TENM3: variants seen among roughly 807,000 people sequenced by gnomAD.
TENM3 encodes the protein teneurin-3.
A neutral mutation model predicts 255.1 loss-of-function variants in TENM3; 63 were observed. The observed-to-expected ratio is 0.25, with a 90% CI of 0.20 to 0.30. TENM3 has a LOEUF of 0.30. Ranked by LOEUF, TENM3 falls within the 10% of genes least tolerant of loss-of-function variation. The pLI is 1.00. For missense variants in TENM3, 2,929 were observed against 3,461.1 expected (o/e 0.85, Z 3.86); for synonymous variants, 1,306 against 1,322.3 (o/e 0.99, Z 0.27).
At chr4:182,029,802 A>AT in the TENM3 span, among the ~76,000 whole-genome samples, 1 of 152,122 alleles carries the variant, frequency 6.6e-6, no homozygotes, top group Non-Finnish European at 1.5e-5. Context: ...AATATGTTTA[A>AT]TTTTTTTAAA....
At chr4:181,765,070 G>A in the TENM3 span, among the ~76,000 whole-genome samples, 7 of 152,042 alleles carry the variant, frequency 4.6e-5, no homozygotes, top group African/African-American at 1.2e-4. Context: ...TACTTAGGAC[G>A]TTTCATTTTA....
At chr4:182,480,189 T>A (rs1243460031) in intron 3 of TENM3, among the ~76,000 whole-genome samples, 4 of 152,034 alleles carry the variant, frequency 2.6e-5, no homozygotes, top group Non-Finnish European at 4.4e-5. Context: ...TGTGGAAGAT[T>A]CACTTATTTT....
the TENM3 span, among the ~76,000 whole-genome samples, chr4:181,989,375 T>G: frequency 6.6e-6 from 1 of 152,110 alleles, no homozygotes; most frequent in South Asian, 2.1e-4. Context: ...CAAAAAGGCA[T>G]GTCTTTTCAC....
Position 182,259,459 on chromosome 4 carries a change from G to C in TENM3, c.-76+15983G>C, listed in dbSNP as rs187685811. Among the ~76,000 whole-genome samples the C allele has an allele frequency of 3.3e-5, 5 of 152,000 alleles. No individual in the cohort carries two copies. In the East Asian group the frequency reaches 5.8e-4, roughly 18 times the overall value. On this transcript the variant is annotated intron_variant, in intron 1 of 27. Coordinates refer to ENST00000511685, the MANE Select transcript of TENM3 (RefSeq NM_001080477.4). ...CCCACGTAGCTGGGACCACAGGTGC[G>C]CGCCACCACACCTGGCTAATTTTTA...
the TENM3 span, among the ~76,000 whole-genome samples, chr4:181,874,035 A>C: frequency 1.3e-5 from 2 of 152,068 alleles, no homozygotes; most frequent in East Asian, 3.9e-4. Context: ...CGCCTGCCTT[A>C]GCCTCCCAAA....
intron 3 of TENM3, among the ~76,000 whole-genome samples, chr4:182,528,122 T>G (rs529899701): frequency 6.6e-6 from 1 of 152,162 alleles, no homozygotes; most frequent in Admixed American, 6.5e-5. Flanking sequence ...TTTAAAAGTT[T>G]GTTTTTTTAT....
At chr4:181,569,335 A>G in the TENM3 span, among the ~76,000 whole-genome samples, 5 of 148,004 alleles carry the variant, frequency 3.4e-5, no homozygotes, top group Admixed American at 2.0e-4. Context: ...TAAGCCTGGA[A>G]ATTAAAATCT....
At chr4:182,185,133 C>CA (rs1005685667) in intron 1 of TENM3, among the ~76,000 whole-genome samples, 6 of 151,998 alleles carry the variant, frequency 3.9e-5, no homozygotes, top group Non-Finnish European at 8.8e-5. Context: ...CAGAAGCTGT[C>CA]AAAAAACGGA....
At chr4:182,547,792 GCTC>G (rs1437246029) in intron 3 of TENM3, among the ~76,000 whole-genome samples, 2 of 152,076 alleles carry the variant, frequency 1.3e-5, no homozygotes, top group Non-Finnish European at 2.9e-5. Context: ...CTCCTTGATA[GCTC>G]CTTATTTAAA....
At chr4:181,523,984 T>G in the TENM3 span, among the ~76,000 whole-genome samples, 1 of 152,194 alleles carries the variant, frequency 6.6e-6, no homozygotes, top group African/African-American at 2.4e-5. Flanking sequence ...GGCCATTCAA[T>G]TCTCTCTTCC....
the TENM3 span, among the ~76,000 whole-genome samples, chr4:182,134,235 T>C: frequency 6.6e-6 from 1 of 152,336 alleles, no homozygotes; most frequent in East Asian, 1.9e-4. Flanking sequence ...GATTTAAATC[T>C]AGTTTCTAAG....
the TENM3 span, among the ~76,000 whole-genome samples, chr4:181,642,522 G>A: frequency 1.2e-4 from 18 of 152,260 alleles, no homozygotes; most frequent in East Asian, 3.5e-3. Flanking sequence ...TGCTTTTGGT[G>A]TCTTAGACAT....
At chr4:182,633,026 C>A (rs1459601930) in intron 5 of TENM3, among the ~76,000 whole-genome samples, 1 of 152,088 alleles carries the variant, frequency 6.6e-6, no homozygotes. Context: ...GCCTCCTGGG[C>A]TCAAGTGATC....
chr4:181,493,340 A>G, the TENM3 span, among the ~76,000 whole-genome samples: 1 of 151,636 alleles, frequency 6.6e-6, no homozygotes, highest in Non-Finnish European at 1.5e-5. Context: ...CTGCAAATGT[A>G]AGCATGCCAA....
the TENM3 span, among the ~76,000 whole-genome samples, chr4:181,736,403 G>A: frequency 6.6e-6 from 1 of 152,226 alleles, no homozygotes; most frequent in South Asian, 2.1e-4. Flanking sequence ...ACATGTAATT[G>A]CCAATGATAA....
At chr4:181,888,540 A>ATGTG in the TENM3 span, among the ~76,000 whole-genome samples, 7 of 121,684 alleles carry the variant, frequency 5.8e-5, no homozygotes, top group African/African-American at 2.2e-4. Context: ...ATATGTGTAT[A>ATGTG]TATATATATG....
chr4:182,347,696 C>G (rs1221810045), intron 3 of TENM3, among the ~76,000 whole-genome samples: 1 of 152,048 alleles, frequency 6.6e-6, no homozygotes, highest in Non-Finnish European at 1.5e-5. Flanking sequence ...TGCAATAATA[C>G]ATTTTAAAGA....
At chr4:182,033,548 G>A in the TENM3 span, among the ~76,000 whole-genome samples, 1 of 152,162 alleles carries the variant, frequency 6.6e-6, no homozygotes, top group Non-Finnish European at 1.5e-5. Context: ...ATATCTATCA[G>A]GTCCACTTGA....
chr4:181,602,781 C>G, the TENM3 span, among the ~76,000 whole-genome samples: 1 of 152,154 alleles, frequency 6.6e-6, no homozygotes, highest in African/African-American at 2.4e-5. Context: ...TTTCTCTCAG[C>G]CCAATAAGTC....
Sources: allele counts gnomAD v4.1 joint callset (sites outside exome capture counted in the v4.1 genomes callset), GRCh38; gene constraint gnomAD v4.1.1; transcripts MANE v1.5; gene names NCBI Gene and HGNC (gene_info 2026-07-23, HGNC 2026-07-21).